Variants in EYS observed in about 807,000 individuals in gnomAD.
The protein encoded by EYS is protein eyes shut homolog.
A neutral mutation model predicts 282.1 loss-of-function variants in EYS; 250 were observed. The observed-to-expected ratio is 0.89, with a 90% CI of 0.80 to 0.98. EYS has a LOEUF of 0.98. Among genes scored for constraint, EYS ranks in the 50% least tolerant of loss-of-function variants. The pLI is 0.00. For missense variants in EYS, 4,016 were observed against 3,709.0 expected (o/e 1.08, Z -2.15); for synonymous variants, 1,355 against 1,282.9 (o/e 1.06, Z -1.20).
At chr6:65,542,760 A>T (rs969225270) in intron 2 of EYS, among the ~76,000 whole-genome samples, 1 of 152,182 alleles carries the variant, frequency 6.6e-6, no homozygotes, top group Non-Finnish European at 1.5e-5. Flanking sequence ...TATTGGCAAC[A>T]TTAAAAATGA....
intron 30 of EYS, among the ~76,000 whole-genome samples, chr6:64,306,143 G>A (rs749054391): frequency 1.3e-5 from 2 of 151,856 alleles, no homozygotes; most frequent in Non-Finnish European, 2.9e-5. Context: ...CAATAATTAG[G>A]GAAATGCAAA....
intron 7 of EYS, among the ~76,000 whole-genome samples, chr6:65,392,726 A>T (rs1562146850): frequency 6.6e-6 from 1 of 151,826 alleles, no homozygotes; most frequent in Non-Finnish European, 1.5e-5. Context: ...TGTTGGTGGG[A>T]CTGTAAACTA....
Position 64,591,224 on chromosome 6 carries a change from G to T in EYS, c.4643C>A (p.Ser1548Tyr). ...LTNIKSQAAD[S>Y]LRELSQTCAT... The stretch of plus-strand genomic sequence containing the variant: ...ACATGTTTGGCTTAATTCTCTTAAA[G>T]AATCAGCAGCCTGTGATTTGATGTT... The change falls in exon 26 of 43, where the codon TCT becomes TAT. Residue 1548 changes from serine (S) to tyrosine (Y), a missense_variant. Coordinates refer to ENST00000503581, the MANE Select transcript of EYS (RefSeq NM_001142800.2). The T allele has an allele frequency of 1.3e-6, 2 of 1,551,384 alleles. No individual in the cohort carries two copies. The highest frequency in any genetic ancestry group is 1.7e-6 in the Non-Finnish European group (2 of 1,146,826).
At position 65,534,702 on chromosome 6, in the gene EYS, T is replaced by C. The variant is rs1048635133; in HGVS notation, c.-332-38709A>G. On this transcript the variant is annotated intron_variant, in intron 2 of 42. Coordinates refer to ENST00000503581, the MANE Select transcript of EYS (RefSeq NM_001142800.2). ...AGTTAGCTTATCTACAGCTTCTCCA[T>C]GGCAACAGCCTCCAATCAGGGCACA... 2.6e-5 allele frequency among the ~76,000 whole-genome samples: 4 copies of C among 152,118 alleles called. 1 individual carries two copies. The highest frequency in any genetic ancestry group is 4.8e-5 in the African/African-American group (2 of 41,438).
intron 1 of EYS, among the ~76,000 whole-genome samples, chr6:65,680,488 C>T (rs971148781): frequency 2.6e-5 from 4 of 151,884 alleles, no homozygotes; most frequent in Non-Finnish European, 1.5e-5. Context: ...AATATAAGAA[C>T]TTGAAAGTCT....
chr6:64,431,017 T>C (rs1774560428), intron 28 of EYS, among the ~76,000 whole-genome samples: 1 of 152,108 alleles, frequency 6.6e-6, no homozygotes. Context: ...TCTCTACATC[T>C]AAAGACTAGA....
intron 5 of EYS, among the ~76,000 whole-genome samples, chr6:65,428,712 T>G (rs914242780): frequency 6.6e-6 from 1 of 152,090 alleles, no homozygotes; most frequent in Non-Finnish European, 1.5e-5. Flanking sequence ...ATATAGATAA[T>G]CTTACATCAT....
chr6:65,536,814 T>A (rs978434178), intron 2 of EYS, among the ~76,000 whole-genome samples: 2 of 152,106 alleles, frequency 1.3e-5, no homozygotes, highest in Admixed American at 1.3e-4. Context: ...GACTCAATAT[T>A]GTCAGGTTGT....
At chr6:64,180,048 T>C (rs944676887) in intron 31 of EYS, among the ~76,000 whole-genome samples, 3 of 152,152 alleles carry the variant, frequency 2.0e-5, no homozygotes, top group Non-Finnish European at 2.9e-5. Context: ...GATAAAGTAC[T>C]GGGGAGAAAT....
chr6:64,294,767 TAA>T (rs1768846660), intron 30 of EYS, among the ~76,000 whole-genome samples: 1 of 152,194 alleles, frequency 6.6e-6, no homozygotes, highest in South Asian at 2.1e-4. Context: ...CTGTACTAGA[TAA>T]GAGTATTATC....
At chr6:64,940,789 G>A (rs1769064209) in intron 15 of EYS, among the ~76,000 whole-genome samples, 1 of 151,974 alleles carries the variant, frequency 6.6e-6, no homozygotes, top group Non-Finnish European at 1.5e-5. Context: ...CTGTTGAACA[G>A]TCTGCACCTT....
intron 30 of EYS, among the ~76,000 whole-genome samples, chr6:64,237,499 C>T (rs1191845217): frequency 2.0e-5 from 3 of 152,160 alleles, no homozygotes; most frequent in East Asian, 1.9e-4. Context: ...TGTACTATTT[C>T]AGTGGAGTTT....
At chr6:64,891,891 A>C (rs9351469) in intron 18 of EYS, among the ~76,000 whole-genome samples, 14,513 of 152,072 alleles carry the variant, frequency 0.095, 874 homozygotes, top group East Asian at 0.31. Context: ...TCTCATTTAA[A>C]TAAAAAGCTT....
At chr6:64,091,754 CT>C (rs1047532400) in intron 31 of EYS, among the ~76,000 whole-genome samples, 9 of 151,682 alleles carry the variant, frequency 5.9e-5, no homozygotes, top group Non-Finnish European at 1.0e-4. Context: ...CTGACATTGT[CT>C]TTTTTTTAAT....
chr6:64,774,169 C>A (rs570326937), intron 22 of EYS, among the ~76,000 whole-genome samples: 1 of 151,922 alleles, frequency 6.6e-6, no homozygotes, highest in South Asian at 2.1e-4. Flanking sequence ...ATTCTACCCA[C>A]GTGATCCTGG....
chr6:63,936,036 C>G (rs1430057381), intron 35 of EYS, among the ~76,000 whole-genome samples: 1 of 152,158 alleles, frequency 6.6e-6, no homozygotes, highest in Admixed American at 6.5e-5. Flanking sequence ...TCTTTTTTCA[C>G]TAAATTTCCC....
At chr6:63,993,123 T>C (rs1767679484) in intron 34 of EYS, among the ~76,000 whole-genome samples, 1 of 151,792 alleles carries the variant, frequency 6.6e-6, no homozygotes, top group Non-Finnish European at 1.5e-5. Flanking sequence ...AATGTCATTT[T>C]ACAAAATTTG....
At chr6:65,642,786 C>T (rs375771942) in intron 1 of EYS, among the ~76,000 whole-genome samples, 26 of 152,236 alleles carry the variant, frequency 1.7e-4, no homozygotes, top group South Asian at 4.1e-4. Flanking sequence ...ATATATCTTA[C>T]GCAGATTTTT....
chr6:65,049,174 T>C (rs751484571), intron 13 of EYS, among the ~76,000 whole-genome samples: 1 of 151,762 alleles, frequency 6.6e-6, no homozygotes, highest in Non-Finnish European at 1.5e-5. Flanking sequence ...TCTCCCCAAA[T>C]TTATGTTTAA....
Sources: allele counts gnomAD v4.1 joint callset (sites outside exome capture counted in the v4.1 genomes callset), GRCh38; gene constraint gnomAD v4.1.1; transcripts MANE v1.5; gene names NCBI Gene and HGNC (gene_info 2026-07-23, HGNC 2026-07-21).